Variants in UBE2D3 observed in about 807,000 individuals in gnomAD.
The protein encoded by UBE2D3 is ubiquitin-conjugating enzyme E2 D3.
A neutral mutation model predicts 22.8 loss-of-function variants in UBE2D3; 2 were observed. The observed-to-expected ratio is 0.09, with a 90% CI of 0.04 to 0.28. The LOEUF (loss-of-function observed/expected upper bound fraction) is 0.28, where lower values mean the gene tolerates loss of function less well. Ranked by LOEUF, UBE2D3 falls within the 10% of genes least tolerant of loss-of-function variation. The pLI is 1.00. For missense variants in UBE2D3, 27 were observed against 182.5 expected (o/e 0.15, Z 4.91); for synonymous variants, 56 against 60.4 (o/e 0.93, Z 0.34).
intron 1 of UBE2D3, among the ~76,000 whole-genome samples, chr4:102,850,916 C>T (rs2110367148): frequency 6.7e-6 from 1 of 148,474 alleles, no homozygotes; most frequent in African/African-American, 2.5e-5. Flanking sequence ...ATACAGTGGA[C>T]TTGGGAACTT....
intron 1 of UBE2D3, among the ~76,000 whole-genome samples, chr4:102,839,623 G>A (rs541957531): frequency 5.9e-5 from 9 of 152,284 alleles, no homozygotes; most frequent in African/African-American, 1.7e-4. Context: ...GGTACTAGTA[G>A]TAAAAACTGT....
chr4:102,862,194 T>C (rs558596044), intron 1 of UBE2D3, among the ~76,000 whole-genome samples: 1 of 152,108 alleles, frequency 6.6e-6, no homozygotes, highest in African/African-American at 2.4e-5. Flanking sequence ...CTCTTAAAAC[T>C]GTGGGGTTAA....
intron 1 of UBE2D3, among the ~76,000 whole-genome samples, chr4:102,850,121 AC>A (rs912620215): frequency 5.9e-5 from 9 of 152,196 alleles, no homozygotes; most frequent in Non-Finnish European, 8.8e-5. Context: ...GATAAACACC[AC>A]AGATCATTTT....
At chr4:102,865,678 G>A (rs556964928) in intron 1 of UBE2D3, among the ~76,000 whole-genome samples, 16 of 152,154 alleles carry the variant, frequency 1.1e-4, no homozygotes, top group African/African-American at 3.9e-4. Context: ...TAGACTCCTA[G>A]AATTAAGATT....
chr4:102,799,127 G>C (rs1725716617), intron 7 of UBE2D3: 4 of 884,984 alleles, frequency 4.5e-6, no homozygotes, highest in Non-Finnish European at 6.8e-6. Context: ...TTGGGGTAAA[G>C]AAAAATTTGC....
chr4:102,823,370 G>A (rs1456847298), intron 2 of UBE2D3, among the ~76,000 whole-genome samples: 1 of 152,130 alleles, frequency 6.6e-6, no homozygotes, highest in Non-Finnish European at 1.5e-5. Context: ...TTATCTCAGT[G>A]GAAGTGGTGG....
In UBE2D3 at chr4:102,826,622, G is replaced by C; in HGVS notation, c.-114C>G. ...GATTGTCTCGTCTCACACCAGCTCT[G>C]CCAGACACAGGCGCCTTTTGCAAAA... On this transcript the variant is annotated 5_prime_UTR_variant, in exon 2 of 8. Coordinates refer to ENST00000453744, the MANE Select transcript of UBE2D3 (RefSeq NM_181891.3). The C allele has an allele frequency of 6.3e-7, 1 of 1,584,216 alleles. No individual in the cohort carries two copies. Among genetic ancestry groups the C allele is most frequent in the Non-Finnish European group, 8.5e-7 (1 of 1,172,800 alleles).
chr4:102,813,687 G>A (rs1210820918), intron 2 of UBE2D3, among the ~76,000 whole-genome samples: 5 of 152,170 alleles, frequency 3.3e-5, no homozygotes, highest in African/African-American at 7.2e-5. Flanking sequence ...GAAGGTCCTA[G>A]GAGTTAACAC....
intron 2 of UBE2D3, among the ~76,000 whole-genome samples, chr4:102,817,438 TAA>T (rs1728928305): frequency 6.6e-6 from 1 of 152,136 alleles, no homozygotes; most frequent in South Asian, 2.1e-4. Flanking sequence ...TTGAGTCCCT[TAA>T]GAGAGGGGAA....
rs1447232084 is a variant in UBE2D3 at position 102,795,945 on chromosome 4, G to A, written c.*1470C>T. 2 of 152,406 alleles carry A rather than the reference G, an allele frequency of 1.3e-5. No homozygotes were observed. Among genetic ancestry groups the A allele is most frequent in the Admixed American group, 1.3e-4 (2 of 15,252 alleles). 9.4% of individuals were successfully genotyped at this position (152,406 alleles called of 1,614,324 possible). The stretch of plus-strand genomic sequence containing the variant: ...TGTTACTACAGAAGTTAAATCAGTG[G>A]CACAGATAGCACTTGTCAAACAAAA... On this transcript the variant is annotated 3_prime_UTR_variant, in exon 8 of 8. Coordinates refer to ENST00000453744, the MANE Select transcript of UBE2D3 (RefSeq NM_181891.3).
chr4:102,854,238 CAA>C (rs376568510), intron 1 of UBE2D3, among the ~76,000 whole-genome samples: 2,348 of 151,996 alleles, frequency 0.015, 27 homozygotes, highest in Non-Finnish European at 0.024. Flanking sequence ...TTTTTGCAAA[CAA>C]ATGTTATTTT....
intron 1 of UBE2D3, among the ~76,000 whole-genome samples, chr4:102,853,482 A>C (rs941831871): frequency 2.6e-5 from 4 of 152,204 alleles, no homozygotes; most frequent in African/African-American, 9.6e-5. Flanking sequence ...CATGTAGTGG[A>C]ATACTAAGCA....
At chr4:102,825,054 C>A (rs1427795194) in intron 2 of UBE2D3, among the ~76,000 whole-genome samples, 1 of 152,198 alleles carries the variant, frequency 6.6e-6, no homozygotes, top group South Asian at 2.1e-4. Context: ...TCAATACATA[C>A]TAAGAGTGAA....
At chr4:102,801,081 G>A (rs65671) in intron 6 of UBE2D3, among the ~76,000 whole-genome samples, 85,053 of 151,714 alleles carry the variant, frequency 0.56, 24,831 homozygotes, top group African/African-American at 0.74. Context: ...GAAACCTCAG[G>A]ATTCAAAAGC....
intron 1 of UBE2D3, among the ~76,000 whole-genome samples, chr4:102,854,511 T>A (rs1732538015): frequency 6.6e-6 from 1 of 152,228 alleles, no homozygotes; most frequent in Non-Finnish European, 1.5e-5. Context: ...TGTTAAAGAT[T>A]GTTTTATCTT....
In UBE2D3 at chr4:102,826,987, G is replaced by A. The variant is rs1049666816; in HGVS notation, c.-128-351C>T. On this transcript the variant is annotated intron_variant, in intron 1 of 7. Coordinates refer to ENST00000453744, the MANE Select transcript of UBE2D3 (RefSeq NM_181891.3). ...GTCACTAGGGCAAAGAAAGGCAAGGGGGGAGGGGGAAGCATAAGACTCCGG... is the reference window on the plus strand; with the variant it reads ...GTCACTAGGGCAAAGAAAGGCAAGGAGGGAGGGGGAAGCATAAGACTCCGG... The A allele has an allele frequency of 3.0e-5, 30 of 997,944 alleles. 1 individual carries two copies. Among genetic ancestry groups the A allele is most frequent in the Non-Finnish European group, 3.6e-5 (30 of 837,542 alleles). The allele number at this position is 997,944 out of a possible 1,614,324, so 61.8% of individuals were successfully genotyped here. A position where few individuals can be genotyped will look rare whatever the true frequency, so the allele number is the denominator to read the frequency against.
intron 2 of UBE2D3, among the ~76,000 whole-genome samples, chr4:102,814,116 C>A (rs1206679719): frequency 6.6e-6 from 1 of 152,160 alleles, no homozygotes; most frequent in Non-Finnish European, 1.5e-5. Flanking sequence ...ATTCCAAATA[C>A]TATTGATTCT....
intron 2 of UBE2D3, among the ~76,000 whole-genome samples, chr4:102,824,115 C>T (rs540153472): frequency 1.2e-4 from 18 of 152,308 alleles, no homozygotes; most frequent in African/African-American, 3.8e-4. Context: ...AAAAACCAAA[C>T]CACATGCACA....
chr4:102,833,763 C>T (rs1462555987), intron 1 of UBE2D3, among the ~76,000 whole-genome samples: 2 of 152,158 alleles, frequency 1.3e-5, no homozygotes, highest in Non-Finnish European at 2.9e-5. Flanking sequence ...CATTCTGGAT[C>T]TCAGGACATA....
Sources: gnomAD v4.1 joint callset for allele counts (sites outside exome capture counted in the v4.1 genomes callset) on GRCh38, gnomAD v4.1.1 for gene constraint, MANE v1.5 for transcripts, NCBI Gene and HGNC (gene_info 2026-07-23, HGNC 2026-07-21) for gene names.